The following MB21D2 variants were observed in gnomAD, a reference collection of about 807,000 sequenced individuals.
MB21D2 encodes the protein nucleotidyltransferase MB21D2.
A neutral mutation model predicts 33.3 loss-of-function variants in MB21D2; 9 were observed. The ratio of observed to expected loss-of-function variants is 0.27; its 90% CI spans 0.16 to 0.47. MB21D2 has a LOEUF of 0.47. MB21D2 is among the 20% of genes least tolerant of loss of function. MB21D2 has a pLI of 0.99. For synonymous variants in MB21D2, 241 were observed against 236.3 expected (o/e 1.02, Z -0.18); for missense variants, 540 against 624.6 (o/e 0.86, Z 1.44).
At chr3:192,826,131 G>A (rs1357610680) in intron 1 of MB21D2, among the ~76,000 whole-genome samples, 1 of 152,212 alleles carries the variant, frequency 6.6e-6, no homozygotes, top group Non-Finnish European at 1.5e-5. Context: ...CTAGGCAGTA[G>A]AGGAATCTCT....
chr3:192,799,336 T>G lies in MB21D2; in HGVS notation c.526A>C (p.Asn176His), dbSNP rs1167349495. The stretch of plus-strand genomic sequence containing the variant: ...ACTTTGGTAGGTGAGAAGAAGTAGT[T>G]GGTGGCACCATTGATGTGATCTACA... The part of the protein sequence containing the change: ...TIVDHINGAT[N>H]YFFSPTKVAD... The change falls in exon 2 of 2, where the codon AAC (asparagine) becomes CAC (histidine). Residue 176 changes from asparagine to histidine, a missense_variant. Physicochemically the swap from Asn to His is moderately conservative, Grantham distance 68. Coordinates refer to ENST00000392452, the MANE Select transcript of MB21D2 (RefSeq NM_178496.4). The surrounding 1 kb of genome is among the most constrained non-coding windows in gnomAD (Gnocchi z 4.1). The G allele has an allele frequency of 6.2e-7, 1 of 1,614,128 alleles. No homozygotes were observed. Among genetic ancestry groups the G allele is most frequent in the Non-Finnish European group, 8.5e-7 (1 of 1,180,056 alleles).
At chr3:192,901,780 A>C (rs1714109277) in intron 1 of MB21D2, among the ~76,000 whole-genome samples, 1 of 152,200 alleles carries the variant, frequency 6.6e-6, no homozygotes, top group African/African-American at 2.4e-5. Flanking sequence ...TCAACTTCCT[A>C]AAAATACATT....
intron 1 of MB21D2, among the ~76,000 whole-genome samples, chr3:192,857,246 G>A (rs568863486): frequency 2.0e-5 from 3 of 152,292 alleles, no homozygotes; most frequent in South Asian, 2.1e-4. Flanking sequence ...GAACAGTCTC[G>A]GCAATTTGTG....
chr3:192,892,722 C>T lies in MB21D2; in HGVS notation c.211+24908G>A, dbSNP rs552461070. Among the ~76,000 whole-genome samples, 8 of 152,262 alleles carry T rather than the reference C, an allele frequency of 5.3e-5. No individual in the cohort carries two copies. The East Asian group carries it at 1.3e-3, about 26-fold the overall frequency. ...CCTCCCAAAGTGCTGGGATTACAGA[C>T]GTGAGCCACCGCGCCCGGCCATAGT... is the stretch of plus-strand genomic sequence containing the variant. On this transcript the variant is annotated intron_variant, in intron 1 of 1. Transcript: ENST00000392452.
At chr3:192,895,650 T>C (rs923518397) in intron 1 of MB21D2, among the ~76,000 whole-genome samples, 6 of 152,232 alleles carry the variant, frequency 3.9e-5, no homozygotes, top group Non-Finnish European at 8.8e-5. Flanking sequence ...CTGGAAAATC[T>C]AGCTTTTGTT....
chr3:192,903,351 G>A (rs781777490), intron 1 of MB21D2, among the ~76,000 whole-genome samples: 3 of 152,152 alleles, frequency 2.0e-5, no homozygotes, highest in Non-Finnish European at 4.4e-5. Context: ...TCTATAAAAC[G>A]GAGGAGGGAG....
intron 1 of MB21D2, among the ~76,000 whole-genome samples, chr3:192,855,078 A>G (rs1712886549): frequency 6.6e-6 from 1 of 152,004 alleles, no homozygotes; most frequent in South Asian, 2.1e-4. Context: ...GGCTCAGATG[A>G]TTATCAGCAT....
At chr3:192,878,168 C>T (rs554845779) in intron 1 of MB21D2, among the ~76,000 whole-genome samples, 57 of 145,344 alleles carry the variant, frequency 3.9e-4, no homozygotes, top group South Asian at 1.1e-3. Context: ...GGCGCAATCT[C>T]GGCTCACTGC....
At chr3:192,869,318 G>GGGAAGGAGGGAAAA (rs1560244623) in intron 1 of MB21D2, among the ~76,000 whole-genome samples, 9 of 136,632 alleles carry the variant, frequency 6.6e-5, no homozygotes, top group African/African-American at 2.1e-4. Context: ...AGGAGGGAAG[G>GGGAAGGAGGGAAAA]AGGGAAAAAG....
At chr3:192,900,256 G>C (rs1714064789) in intron 1 of MB21D2, among the ~76,000 whole-genome samples, 1 of 138,448 alleles carries the variant, frequency 7.2e-6, no homozygotes, top group Non-Finnish European at 1.5e-5. Flanking sequence ...CTGCACTCCA[G>C]CCTGGGTGAC....
In MB21D2 at chr3:192,865,737, A is replaced by T. The variant is rs547590468; in HGVS notation, c.211+51893T>A. On this transcript the variant is annotated intron_variant, in intron 1 of 1. Coordinates refer to ENST00000392452, the MANE Select transcript of MB21D2 (RefSeq NM_178496.4). ...CATCCTCACCATTCTTCTGTGTTCA[A>T]CATATGATTGTCTTTATCAGCCACC... is the stretch of plus-strand genomic sequence containing the variant. Among the ~76,000 whole-genome samples, 124 of 152,178 alleles carry T rather than the reference A, an allele frequency of 8.1e-4. 1 individual carries two copies. Among genetic ancestry groups the T allele is most frequent in the Non-Finnish European group, 1.6e-3 (108 of 68,012 alleles).
At chr3:192,836,180 C>CTGTG (rs113760767) in intron 1 of MB21D2, among the ~76,000 whole-genome samples, 50 of 152,314 alleles carry the variant, frequency 3.3e-4, no homozygotes, top group African/African-American at 1.2e-3. Flanking sequence ...AGGTAGCATT[C>CTGTG]TGTGACTCCC....
intron 1 of MB21D2, among the ~76,000 whole-genome samples, chr3:192,882,132 A>T (rs1314989271): frequency 6.7e-6 from 1 of 148,868 alleles, no homozygotes; most frequent in East Asian, 2.0e-4. Flanking sequence ...ACATTTAGTA[A>T]TTTTTTTTTT....
intron 1 of MB21D2, among the ~76,000 whole-genome samples, chr3:192,853,117 T>C (rs536137550): frequency 3.2e-4 from 49 of 152,252 alleles, no homozygotes; most frequent in South Asian, 1.5e-3. Flanking sequence ...CTGATCCATC[T>C]TCCATATAGT....
chr3:192,861,052 G>A (rs978155348), intron 1 of MB21D2, among the ~76,000 whole-genome samples: 1 of 152,168 alleles, frequency 6.6e-6, no homozygotes, highest in African/African-American at 2.4e-5. Context: ...GGACTTCTTC[G>A]GGCCTTAGCT....
At chr3:192,827,753 T>G (rs1434330664) in intron 1 of MB21D2, among the ~76,000 whole-genome samples, 2 of 152,184 alleles carry the variant, frequency 1.3e-5, no homozygotes, top group Admixed American at 1.3e-4. Flanking sequence ...CTCTTCTGAA[T>G]AAACTGAAAG....
At chr3:192,837,014 CA>C (rs1712455608) in intron 1 of MB21D2, among the ~76,000 whole-genome samples, 1 of 152,076 alleles carries the variant, frequency 6.6e-6, no homozygotes, top group Admixed American at 6.6e-5. Flanking sequence ...CGGCATACAT[CA>C]AAGACCATAC....
intron 1 of MB21D2, among the ~76,000 whole-genome samples, chr3:192,871,875 G>T (rs142367078): frequency 6.6e-6 from 1 of 152,146 alleles, no homozygotes; most frequent in Admixed American, 6.5e-5. Flanking sequence ...GGACTCTCCC[G>T]GGTGGTTCAA....
chr3:192,832,588 G>A (rs1319728395), intron 1 of MB21D2, among the ~76,000 whole-genome samples: 12 of 152,160 alleles, frequency 7.9e-5, no homozygotes, highest in Non-Finnish European at 1.5e-5. Context: ...TCAAGAGATT[G>A]AGACCAGCCT....
Sources: gnomAD v4.1 joint callset for allele counts (sites outside exome capture counted in the v4.1 genomes callset) on GRCh38, gnomAD v4.1.1 for gene constraint, Gnocchi (gnomAD v3.1) non-coding constraint, MANE v1.5 for transcripts, NCBI Gene and HGNC (gene_info 2026-07-23, HGNC 2026-07-21) for gene names.